Variants in NTM observed in about 807,000 individuals in gnomAD.
NTM encodes the protein IgLON family member 2.
NTM carries 13 observed loss-of-function variants against 42.1 expected under a neutral mutation model. The observed-to-expected ratio is 0.31, with a 90% CI of 0.20 to 0.49. The LOEUF is 0.49. NTM is among the 20% of genes least tolerant of loss of function. The pLI is 0.99. For missense variants in NTM, 373 were observed against 452.8 expected (o/e 0.82, Z 1.60); for synonymous variants, 187 against 179.2 (o/e 1.04, Z -0.35).
intron 1 of NTM, among the ~76,000 whole-genome samples, chr11:131,636,403 C>A (rs115832145): frequency 2.0e-5 from 3 of 152,136 alleles, no homozygotes; most frequent in African/African-American, 7.2e-5. Context: ...TTCCTCCCTG[C>A]GGAACCCTCG....
intron 4 of NTM, among the ~76,000 whole-genome samples, chr11:132,258,186 G>T (rs2092624224): frequency 6.6e-6 from 1 of 152,236 alleles, no homozygotes; most frequent in Non-Finnish European, 1.5e-5. Flanking sequence ...GAAACGCTCA[G>T]CTGGAAACGA....
chr11:132,327,964 A>G (rs912802579), intron 7 of NTM, among the ~76,000 whole-genome samples: 1 of 152,146 alleles, frequency 6.6e-6, no homozygotes, highest in Non-Finnish European at 1.5e-5. Flanking sequence ...TGGAAAACGC[A>G]TGCTTGACAA....
At chr11:131,413,132 G>A (rs945670867) in intron 1 of NTM, among the ~76,000 whole-genome samples, 3 of 152,188 alleles carry the variant, frequency 2.0e-5, no homozygotes, top group East Asian at 1.9e-4. Flanking sequence ...GATAACGGCT[G>A]TTCTTTCAAA....
chr11:132,055,665 G>A lies in NTM; in HGVS notation c.168-90617G>A, dbSNP rs374140648. ...TGTGTGTGTGAGAGAGAGAGAGAGCGAGAGTGAGAGAGAGAGACAGAGAGA... is the reference window on the plus strand; with the variant it reads ...TGTGTGTGTGAGAGAGAGAGAGAGCAAGAGTGAGAGAGAGAGACAGAGAGA... On this transcript the variant is annotated intron_variant, in intron 2 of 8. Coordinates refer to ENST00000683400, the MANE Select transcript of NTM (RefSeq NM_001352005.2). 4.3e-4 allele frequency among the ~76,000 whole-genome samples: 45 copies of A among 105,232 alleles called. No homozygotes were observed. In the South Asian group the frequency reaches 8.5e-3, roughly 20 times the overall value. 69.0% of individuals were successfully genotyped at this position (105,232 alleles called of 152,430 possible).
intron 2 of NTM, among the ~76,000 whole-genome samples, chr11:132,061,670 T>G (rs2080696196): frequency 6.6e-6 from 1 of 152,066 alleles, no homozygotes. Flanking sequence ...AACTCATGAG[T>G]GGGAAAATTG....
intron 1 of NTM, among the ~76,000 whole-genome samples, chr11:131,868,848 C>T (rs901388465): frequency 6.6e-5 from 10 of 152,186 alleles, no homozygotes; most frequent in African/African-American, 2.4e-4. Context: ...TCTGCTGTAA[C>T]CTGGGCCTTT....
intron 1 of NTM, among the ~76,000 whole-genome samples, chr11:131,427,524 A>G (rs1355842096): frequency 6.6e-6 from 1 of 152,210 alleles, no homozygotes. Context: ...AATCTGAAAC[A>G]TTCTAAATAA....
chr11:131,416,477 CA>C (rs1946968721), intron 1 of NTM, among the ~76,000 whole-genome samples: 1 of 152,200 alleles, frequency 6.6e-6, no homozygotes, highest in African/African-American at 2.4e-5. Flanking sequence ...CATCAAACAC[CA>C]TAGCCTGTCT....
chr11:131,688,956 C>T (rs778115150), intron 1 of NTM, among the ~76,000 whole-genome samples: 2 of 152,142 alleles, frequency 1.3e-5, no homozygotes, highest in Non-Finnish European at 2.9e-5. Flanking sequence ...AGCCCTGGTG[C>T]GTTCTGCAGG....
At chr11:132,072,399 AG>A (rs2057801931) in intron 2 of NTM, among the ~76,000 whole-genome samples, 1 of 152,184 alleles carries the variant, frequency 6.6e-6, no homozygotes, top group African/African-American at 2.4e-5. Flanking sequence ...TAGAACAATA[AG>A]GGTTCTCAAA....
intron 1 of NTM, among the ~76,000 whole-genome samples, chr11:131,409,433 C>T (rs906721207): frequency 1.1e-4 from 16 of 152,300 alleles, no homozygotes; most frequent in Admixed American, 2.6e-4. Context: ...AGGAGTCCCA[C>T]GGTAGTTAAC....
chr11:131,453,577 A>G (rs912495534), intron 1 of NTM, among the ~76,000 whole-genome samples: 1 of 152,182 alleles, frequency 6.6e-6, no homozygotes, highest in African/African-American at 2.4e-5. Context: ...AGCAAACAAA[A>G]GAAGAGTTTA....
intron 1 of NTM, among the ~76,000 whole-genome samples, chr11:131,780,329 C>T (rs115700725): frequency 1.5e-3 from 235 of 152,170 alleles, no homozygotes; most frequent in African/African-American, 5.4e-3. Flanking sequence ...AGGGTGTGAA[C>T]GATAGACGAG....
chr11:132,017,283 G>A (rs797018336), intron 2 of NTM, among the ~76,000 whole-genome samples: 41 of 151,834 alleles, frequency 2.7e-4, no homozygotes, highest in African/African-American at 9.2e-4. Flanking sequence ...CATACATGTC[G>A]ATCTGCTGTG....
intron 7 of NTM, 41 bp downstream of exon 7, chr11:132,314,744 G>A (rs374161385): frequency 1.6e-5 from 25 of 1,578,854 alleles, no homozygotes; most frequent in African/African-American, 2.7e-5. Context: ...AGGGGAGAGG[G>A]TGCAGAACGG....
intron 1 of NTM, among the ~76,000 whole-genome samples, chr11:131,659,409 C>T (rs1380483131): frequency 6.6e-6 from 1 of 152,212 alleles, no homozygotes; most frequent in Non-Finnish European, 1.5e-5. Flanking sequence ...CTCCATCACA[C>T]TGGGTGAGGG....
chr11:132,041,213 GAGAGAGAGAGAGATAGAT>G (rs1242948808), intron 2 of NTM, among the ~76,000 whole-genome samples: 22 of 119,038 alleles, frequency 1.8e-4, no homozygotes, highest in Non-Finnish European at 3.4e-4. Flanking sequence ...GTGTGTGTGA[GAGAGAGAGAGAGATAGAT>G]AGAGAGAGAG....
chr11:131,669,210 G>A (rs914434547), intron 1 of NTM, among the ~76,000 whole-genome samples: 1 of 152,060 alleles, frequency 6.6e-6, no homozygotes, highest in Non-Finnish European at 1.5e-5. Context: ...GAGAGAACAA[G>A]GCTGAGGATT....
At chr11:132,139,455 A>T (rs188984006) in intron 2 of NTM, among the ~76,000 whole-genome samples, 1 of 152,220 alleles carries the variant, frequency 6.6e-6, no homozygotes, top group Non-Finnish European at 1.5e-5. Context: ...GTGTTGTGCC[A>T]TTCATTTCAG....
Sources: gnomAD v4.1 joint callset for allele counts (sites outside exome capture counted in the v4.1 genomes callset) on GRCh38, gnomAD v4.1.1 for gene constraint, MANE v1.5 for transcripts, NCBI Gene and HGNC (gene_info 2026-07-23, HGNC 2026-07-21) for gene names.